SYT1: variants seen among roughly 807,000 people sequenced by gnomAD.
SYT1 encodes the protein synaptotagmin-1.
A neutral mutation model predicts 44.8 loss-of-function variants in SYT1; 8 were observed. The ratio of observed to expected loss-of-function variants is 0.18; its 90% confidence interval spans 0.10 to 0.32. The LOEUF is 0.32. SYT1 is among the 10% of genes least tolerant of loss of function. The probability of loss-of-function intolerance (pLI) is 1.00; values close to 1 mark genes in which losing one functional copy is unlikely to be tolerated. For missense variants in SYT1, 286 were observed against 509.3 expected (o/e 0.56, Z 4.22); for synonymous variants, 154 against 188.8 (o/e 0.82, Z 1.51).
chr12:79,284,380 T>C (rs779009594), intron 4 of SYT1, among the ~76,000 whole-genome samples: 1 of 152,202 alleles, frequency 6.6e-6, no homozygotes, highest in Non-Finnish European at 1.5e-5. Flanking sequence ...TCTCCTCTTA[T>C]CTAAAAATCA....
At chr12:79,019,670 G>A (rs1872055453) in intron 2 of SYT1, among the ~76,000 whole-genome samples, 1 of 151,950 alleles carries the variant, frequency 6.6e-6, no homozygotes, top group Admixed American at 6.6e-5. Context: ...GGAGTTAGAA[G>A]TGAAGAAACG....
chr12:79,340,115 G>A (rs1412631116), intron 8 of SYT1, among the ~76,000 whole-genome samples: 1 of 152,190 alleles, frequency 6.6e-6, no homozygotes, highest in Non-Finnish European at 1.5e-5. Context: ...GATGCCTCCA[G>A]CTTTGTTCTT....
intron 2 of SYT1, among the ~76,000 whole-genome samples, chr12:79,009,756 TC>T (rs1307367667): frequency 2.0e-5 from 3 of 152,154 alleles, no homozygotes. Context: ...TTCACTTGCA[TC>T]TCTTCTTTGT....
intron 3 of SYT1, among the ~76,000 whole-genome samples, chr12:79,057,342 C>T (rs1342248644): frequency 6.6e-6 from 1 of 151,974 alleles, no homozygotes; most frequent in Non-Finnish European, 1.5e-5. Context: ...CAAAATGTTT[C>T]AGACTAAGGA....
chr12:78,951,125 A>G (rs781633386), intron 1 of SYT1, among the ~76,000 whole-genome samples: 60 of 152,146 alleles, frequency 3.9e-4, no homozygotes, highest in Non-Finnish European at 7.1e-4. Context: ...AACTCTCAGT[A>G]TATGGACTAA....
intron 3 of SYT1, among the ~76,000 whole-genome samples, chr12:79,198,958 C>T (rs548572498): frequency 6.6e-6 from 1 of 152,192 alleles, no homozygotes; most frequent in African/African-American, 2.4e-5. Flanking sequence ...AGGGGAAGCC[C>T]GCATGAATTT....
chr12:78,876,147 C>T (rs2137043748), intron 1 of SYT1, among the ~76,000 whole-genome samples: 1 of 151,602 alleles, frequency 6.6e-6, no homozygotes, highest in South Asian at 2.1e-4. Context: ...CATAATGAAA[C>T]AAATCATTTT....
chr12:78,931,238 A>AGAAAGAAG (rs1877667216), intron 1 of SYT1, among the ~76,000 whole-genome samples: 2 of 41,100 alleles, frequency 4.9e-5, no homozygotes, highest in Non-Finnish European at 8.5e-5. Flanking sequence ...AAAGAAAGAA[A>AGAAAGAAG]GAAGGAAGGA....
rs1383682100 is a variant in SYT1 at position 79,053,172 on chromosome 12, C to G, written c.-18+5810C>G. 2.6e-5 allele frequency among the ~76,000 whole-genome samples: 4 copies of G among 152,130 alleles called. 1 individual carries two copies. Among genetic ancestry groups the G allele is most frequent in the Admixed American group, 1.3e-4 (2 of 15,264 alleles). ...CACACATACACCATGGAATACTATGCAGCCATAAAAAATGATGAGTTCATG... is the reference window on the plus strand; with the variant it reads ...CACACATACACCATGGAATACTATGGAGCCATAAAAAATGATGAGTTCATG... On this transcript the variant is annotated intron_variant, in intron 3 of 10. Coordinates refer to ENST00000261205, the MANE Select transcript of SYT1 (RefSeq NM_005639.3).
chr12:79,315,201 A>T (rs947642249), intron 8 of SYT1, among the ~76,000 whole-genome samples: 4 of 151,918 alleles, frequency 2.6e-5, no homozygotes, highest in Admixed American at 1.3e-4. Flanking sequence ...TATTATTTTT[A>T]TATTAAATAC....
intron 1 of SYT1, among the ~76,000 whole-genome samples, chr12:78,869,516 T>C (rs1223779278): frequency 2.0e-5 from 3 of 151,976 alleles, no homozygotes; most frequent in African/African-American, 7.2e-5. Context: ...GTAGAAATGG[T>C]AAACACTAGA....
chr12:78,931,211 G>T, intron 1 of SYT1, among the ~76,000 whole-genome samples: 1 of 47,872 alleles, frequency 2.1e-5, no homozygotes, highest in African/African-American at 1.2e-4. Context: ...AAGAAAGAAA[G>T]AAAGAAAGAA....
At chr12:79,075,911 T>A (rs1425715330) in intron 3 of SYT1, among the ~76,000 whole-genome samples, 1 of 152,172 alleles carries the variant, frequency 6.6e-6, no homozygotes, top group African/African-American at 2.4e-5. Context: ...ATATCAACCT[T>A]GTAGGGAAGA....
chr12:79,377,454 C>T (rs1884045399), intron 9 of SYT1, among the ~76,000 whole-genome samples: 1 of 151,946 alleles, frequency 6.6e-6, no homozygotes, highest in Non-Finnish European at 1.5e-5. Flanking sequence ...TTATTTTTTT[C>T]TTCTATATGT....
In SYT1 at chr12:79,444,069, T is replaced by C; in HGVS notation, c.929-4T>C. 1.2e-6 allele frequency: 2 copies of C among 1,612,832 alleles called. No individual in the cohort carries two copies. The highest frequency in any genetic ancestry group is 1.7e-6 in the Non-Finnish European group (2 of 1,179,408). On this transcript the variant is annotated splice_region_variant and splice_polypyrimidine_tract_variant and intron_variant, in intron 9 of 10. Coordinates refer to ENST00000261205, the MANE Select transcript of SYT1 (RefSeq NM_005639.3). ...CTAAAGTTTGTTTCCTGTTTTTCAT[T>C]CAGATCCTTATGTGAAGATTCATCT...
chr12:79,107,106 T>C (rs1417785759), intron 3 of SYT1, among the ~76,000 whole-genome samples: 2 of 151,966 alleles, frequency 1.3e-5, no homozygotes, highest in African/African-American at 2.4e-5. Flanking sequence ...TGACCAACTA[T>C]ATATTAATAA....
chr12:78,900,661 A>T (rs1341344954), intron 1 of SYT1, among the ~76,000 whole-genome samples: 1 of 152,126 alleles, frequency 6.6e-6, no homozygotes, highest in African/African-American at 2.4e-5. Context: ...AGGCTAGAGC[A>T]CATGCAAAGT....
chr12:79,160,758 T>A (rs1196390034), intron 3 of SYT1, among the ~76,000 whole-genome samples: 1 of 152,046 alleles, frequency 6.6e-6, no homozygotes, highest in Non-Finnish European at 1.5e-5. Context: ...AATTTGCAAA[T>A]CATCTATTCA....
chr12:79,252,467 C>A (rs1489311232), intron 4 of SYT1, among the ~76,000 whole-genome samples: 1 of 152,046 alleles, frequency 6.6e-6, no homozygotes, highest in African/African-American at 2.4e-5. Context: ...CAGAATTGCA[C>A]TTTTTTTACT....
Sources: gnomAD v4.1 joint callset for allele counts (sites outside exome capture counted in the v4.1 genomes callset) on GRCh38, gnomAD v4.1.1 for gene constraint, MANE v1.5 for transcripts, NCBI Gene and HGNC (gene_info 2026-07-23, HGNC 2026-07-21) for gene names.